Variants in HS6ST3 observed in about 807,000 individuals in gnomAD.
The protein encoded by HS6ST3 is heparan sulfate 6-O-sulfotransferase 3.
A neutral mutation model predicts 36.7 loss-of-function variants in HS6ST3; 12 were observed. The observed-to-expected ratio is 0.33, with a 90% CI of 0.21 to 0.53. HS6ST3 has a LOEUF of 0.53. Ranked by LOEUF, HS6ST3 falls within the 20% of genes least tolerant of loss-of-function variation. The pLI is 0.95. For missense variants in HS6ST3, 584 were observed against 640.9 expected (o/e 0.91, Z 0.96); for synonymous variants, 240 against 257.5 (o/e 0.93, Z 0.65).
intron 1 of HS6ST3, among the ~76,000 whole-genome samples, chr13:96,740,419 T>G (rs1271447877): frequency 5.9e-5 from 9 of 152,208 alleles, no homozygotes; most frequent in Admixed American, 4.6e-4. Flanking sequence ...TATACATTTT[T>G]AATCTTTGAA....
At chr13:96,104,842 T>C (rs1230061256) in intron 1 of HS6ST3, among the ~76,000 whole-genome samples, 2 of 152,082 alleles carry the variant, frequency 1.3e-5, no homozygotes, top group Non-Finnish European at 2.9e-5. Context: ...CCCGGTGTGG[T>C]GTGGCCTGCT....
intron 1 of HS6ST3, among the ~76,000 whole-genome samples, chr13:96,329,196 A>C (rs986856883): frequency 6.9e-6 from 1 of 145,116 alleles, no homozygotes; most frequent in African/African-American, 2.6e-5. Context: ...TTCTGCTCTG[A>C]TTTTAGTTAT....
At chr13:96,359,920 C>T (rs959434171) in intron 1 of HS6ST3, among the ~76,000 whole-genome samples, 3 of 152,094 alleles carry the variant, frequency 2.0e-5, no homozygotes, top group African/African-American at 7.2e-5. Context: ...CAGGAGTTGA[C>T]ATGGAACTGG....
chr13:96,643,106 TAA>T (rs1443111022), intron 1 of HS6ST3, among the ~76,000 whole-genome samples: 2 of 152,028 alleles, frequency 1.3e-5, no homozygotes, highest in Non-Finnish European at 2.9e-5. Flanking sequence ...GTAAATTCTA[TAA>T]AGTCTGTGTT....
intron 1 of HS6ST3, among the ~76,000 whole-genome samples, chr13:96,180,179 T>C (rs1284908404): frequency 6.6e-6 from 1 of 152,084 alleles, no homozygotes; most frequent in African/African-American, 2.4e-5. Context: ...TTCCCAACTA[T>C]GCGGACATAC....
In HS6ST3 at chr13:96,837,824, T is replaced by G. The variant is rs908752051; in HGVS notation, c.*4626T>G. On this transcript the variant is annotated 3_prime_UTR_variant, in exon 2 of 2. Coordinates refer to ENST00000376705, the MANE Select transcript of HS6ST3 (RefSeq NM_153456.4). ...AACTCCCTATTAAGGGAAATCAATATAAACCCGCCCCCACCAACCAAAAAA... is the reference window on the plus strand; with the variant it reads ...AACTCCCTATTAAGGGAAATCAATAGAAACCCGCCCCCACCAACCAAAAAA... 1 of 147,922 alleles carries G rather than the reference T, an allele frequency of 6.8e-6. No individual in the cohort carries two copies. Among genetic ancestry groups the G allele is most frequent in the Non-Finnish European group, 1.5e-5 (1 of 67,186 alleles). The allele number at this position is 147,922 out of a possible 1,614,324, so 9.2% of individuals were successfully genotyped here.
chr13:96,279,526 G>A (rs906981471), intron 1 of HS6ST3, among the ~76,000 whole-genome samples: 1 of 152,086 alleles, frequency 6.6e-6, no homozygotes, highest in South Asian at 2.1e-4. Context: ...ATCTTGTCTC[G>A]AGAGGCTAGA....
intron 1 of HS6ST3, among the ~76,000 whole-genome samples, chr13:96,502,273 G>A (rs1042193023): frequency 2.0e-5 from 3 of 151,862 alleles, no homozygotes; most frequent in African/African-American, 7.3e-5. Context: ...AGTATTAATT[G>A]ACGGATTTGA....
At chr13:96,425,684 T>C (rs182536770) in intron 1 of HS6ST3, among the ~76,000 whole-genome samples, 50 of 152,176 alleles carry the variant, frequency 3.3e-4, no homozygotes, top group Middle Eastern at 3.4e-3. Flanking sequence ...CTCCTTCCCA[T>C]AGCCCTGCAC....
intron 1 of HS6ST3, among the ~76,000 whole-genome samples, chr13:96,778,962 A>G (rs1378674020): frequency 6.6e-6 from 1 of 152,212 alleles, no homozygotes; most frequent in Admixed American, 6.5e-5. Context: ...AATGTGGCAC[A>G]TATACACCAT....
chr13:96,367,740 AC>A, intron 1 of HS6ST3, among the ~76,000 whole-genome samples: 1 of 152,348 alleles, frequency 6.6e-6, no homozygotes, highest in Middle Eastern at 3.4e-3. Flanking sequence ...GACGTCAGTT[AC>A]ATTGAAGCAA....
At chr13:96,425,412 A>C (rs548664700) in intron 1 of HS6ST3, among the ~76,000 whole-genome samples, 2 of 152,294 alleles carry the variant, frequency 1.3e-5, no homozygotes, top group South Asian at 4.1e-4. Context: ...TTGGCTTTTC[A>C]AAGATAAAAT....
intron 1 of HS6ST3, among the ~76,000 whole-genome samples, chr13:96,374,940 ACTT>A (rs927248539): frequency 1.2e-4 from 18 of 152,090 alleles, no homozygotes; most frequent in Non-Finnish European, 2.6e-4. Context: ...AGAAGCTTCT[ACTT>A]TACCATTCAT....
intron 1 of HS6ST3, among the ~76,000 whole-genome samples, chr13:96,488,372 A>G (rs2055926820): frequency 6.6e-6 from 1 of 152,158 alleles, no homozygotes; most frequent in Non-Finnish European, 1.5e-5. Flanking sequence ...CTAAGATGAA[A>G]GCTTTAAATT....
intron 1 of HS6ST3, among the ~76,000 whole-genome samples, chr13:96,389,430 G>C (rs959232946): frequency 6.6e-6 from 1 of 152,096 alleles, no homozygotes; most frequent in African/African-American, 2.4e-5. Flanking sequence ...AAATAAATAT[G>C]TATATCAAGT....
At chr13:96,332,210 A>G (rs767054982) in intron 1 of HS6ST3, among the ~76,000 whole-genome samples, 3 of 150,708 alleles carry the variant, frequency 2.0e-5, no homozygotes, top group Non-Finnish European at 4.4e-5. Flanking sequence ...TCCTCCCCCC[A>G]TTTTTTCCTG....
At position 96,290,192 on chromosome 13, in the gene HS6ST3, G is replaced by A. The variant is rs78389881; in HGVS notation, c.707+198623G>A. 1.2e-3 allele frequency among the ~76,000 whole-genome samples: 181 copies of A among 152,106 alleles called. 1 individual carries two copies. Among genetic ancestry groups the A allele is most frequent in the Middle Eastern group, 3.4e-3 (1 of 294 alleles). ...CAGTTCCCATGTTCCCCATTGCGAC[G>A]TTTCATGTTAGTCTAGAAGTGGCCC... On this transcript the variant is annotated intron_variant, in intron 1 of 1. Transcript: ENST00000376705.
intron 1 of HS6ST3, among the ~76,000 whole-genome samples, chr13:96,484,724 A>T (rs1397354541): frequency 6.6e-6 from 1 of 152,188 alleles, no homozygotes; most frequent in Non-Finnish European, 1.5e-5. Flanking sequence ...TACAAATACT[A>T]CATTTTCTTT....
At chr13:96,175,524 CT>C (rs894071834) in intron 1 of HS6ST3, among the ~76,000 whole-genome samples, 55 of 151,494 alleles carry the variant, frequency 3.6e-4, no homozygotes, top group Admixed American at 5.3e-4. Context: ...ATATTTCTGC[CT>C]TTTTTTTGTT....
Sources: gnomAD v4.1 joint callset for allele counts (sites outside exome capture counted in the v4.1 genomes callset) on GRCh38, gnomAD v4.1.1 for gene constraint, MANE v1.5 for transcripts, NCBI Gene and HGNC (gene_info 2026-07-23, HGNC 2026-07-21) for gene names.